Variants in RBFOX1 observed in about 807,000 individuals in gnomAD.
RBFOX1 encodes RNA binding protein fox-1 homolog 1.
Under a neutral mutation model 57.7 loss-of-function variants are expected in RBFOX1, and 8 were observed. The ratio of observed to expected loss-of-function variants is 0.14; its 90% confidence interval spans 0.08 to 0.25. The LOEUF (loss-of-function observed/expected upper bound fraction) is 0.25, where lower values mean the gene tolerates loss of function less well. Among genes scored for constraint, RBFOX1 ranks in the 10% least tolerant of loss-of-function variants. The pLI is 1.00. For synonymous variants in RBFOX1, 326 were observed against 222.4 expected (o/e 1.47, Z -4.15); for missense variants, 611 against 548.5 (o/e 1.11, Z -1.14).
intron 2 of RBFOX1, among the ~76,000 whole-genome samples, chr16:6,559,741 C>T (rs1233976710): frequency 3.3e-5 from 5 of 151,972 alleles, no homozygotes; most frequent in Non-Finnish European, 7.4e-5. Flanking sequence ...ATCTATATCT[C>T]TTTATATCCA....
At chr16:6,897,738 T>A (rs2006884) in intron 3 of RBFOX1, among the ~76,000 whole-genome samples, 116,632 of 152,092 alleles carry the variant, frequency 0.77, 45,213 homozygotes, top group East Asian at 0.92. Flanking sequence ...GGTTGCAGTG[T>A]GCTGAGATCA....
intron 3 of RBFOX1, among the ~76,000 whole-genome samples, chr16:5,805,797 C>T (rs933529149): frequency 6.6e-6 from 1 of 152,190 alleles, no homozygotes; most frequent in Non-Finnish European, 1.5e-5. Flanking sequence ...TGAAGACTCC[C>T]ATATCTCTCT....
chr16:5,487,744 G>C (rs956659557), intron 2 of RBFOX1, among the ~76,000 whole-genome samples: 1 of 152,126 alleles, frequency 6.6e-6, no homozygotes, highest in Non-Finnish European at 1.5e-5. Flanking sequence ...TCACACCTCT[G>C]CTTGCCCTCA....
intron 4 of RBFOX1, among the ~76,000 whole-genome samples, chr16:7,169,614 C>T (rs890569304): frequency 6.6e-6 from 1 of 152,114 alleles, no homozygotes; most frequent in Non-Finnish European, 1.5e-5. Context: ...ATTATCAGTC[C>T]CATTTACCAG....
intron 1 of RBFOX1, among the ~76,000 whole-genome samples, chr16:6,024,210 T>G (rs2095141259): frequency 6.6e-6 from 1 of 152,132 alleles, no homozygotes. Context: ...CAAGAAATAT[T>G]TATTTGGAAT....
chr16:7,100,755 C>T (rs778873554), intron 4 of RBFOX1, among the ~76,000 whole-genome samples: 1 of 151,982 alleles, frequency 6.6e-6, no homozygotes, highest in African/African-American at 2.4e-5. Flanking sequence ...AAAAAAGATC[C>T]AATGGCCGTA....
At chr16:6,380,374 G>A (rs543391683) in intron 2 of RBFOX1, among the ~76,000 whole-genome samples, 4 of 135,330 alleles carry the variant, frequency 3.0e-5, no homozygotes, top group Non-Finnish European at 4.6e-5. Context: ...ATAATGATGC[G>A]TCTGTGAGTG....
intron 2 of RBFOX1, among the ~76,000 whole-genome samples, chr16:6,456,737 G>T (rs975278457): frequency 7.2e-5 from 11 of 152,166 alleles, no homozygotes; most frequent in African/African-American, 2.7e-4. Context: ...CAACTGAATG[G>T]ATCCGTGAGA....
intron 4 of RBFOX1, among the ~76,000 whole-genome samples, chr16:7,206,089 G>C (rs903936895): frequency 2.0e-5 from 3 of 152,154 alleles, no homozygotes; most frequent in African/African-American, 4.8e-5. Context: ...AAAATGTTAA[G>C]CAGGTTTAGG....
chr16:6,106,231 C>T (rs935008762), intron 1 of RBFOX1, among the ~76,000 whole-genome samples: 15 of 152,038 alleles, frequency 9.9e-5, no homozygotes, highest in Non-Finnish European at 1.8e-4. Flanking sequence ...TCTAGGCAGG[C>T]TGAATCACCT....
intron 3 of RBFOX1, among the ~76,000 whole-genome samples, chr16:6,664,088 T>C (rs112070217): frequency 6.6e-6 from 1 of 152,234 alleles, no homozygotes; most frequent in Admixed American, 6.5e-5. Flanking sequence ...CTTTGTCTTA[T>C]AGAGTCTACT....
chr16:5,907,304 C>T (rs1014685195), intron 4 of RBFOX1, among the ~76,000 whole-genome samples: 2 of 152,062 alleles, frequency 1.3e-5, no homozygotes, highest in Non-Finnish European at 2.9e-5. Flanking sequence ...TGCCCCTGGA[C>T]CAGGATCTTC....
At chr16:7,040,614 T>C (rs1473703024) in intron 3 of RBFOX1, among the ~76,000 whole-genome samples, 1 of 152,232 alleles carries the variant, frequency 6.6e-6, no homozygotes, top group Non-Finnish European at 1.5e-5. Context: ...TGCTTTTGTC[T>C]GAAGTTTGTT....
chr16:6,867,132 T>G (rs2060079431), intron 3 of RBFOX1, among the ~76,000 whole-genome samples: 1 of 152,226 alleles, frequency 6.6e-6, no homozygotes, highest in Non-Finnish European at 1.5e-5. Flanking sequence ...CAGTCAGGTT[T>G]TAGCTTGGAG....
chr16:5,624,938 C>T (rs536152149), intron 3 of RBFOX1, among the ~76,000 whole-genome samples: 126 of 152,230 alleles, frequency 8.3e-4, no homozygotes, highest in Non-Finnish European at 1.4e-3. Context: ...GCAAAATGCA[C>T]GGTCTGTAGG....
At chr16:5,525,458 A>G (rs1336827594) in intron 2 of RBFOX1, among the ~76,000 whole-genome samples, 2 of 146,716 alleles carry the variant, frequency 1.4e-5, no homozygotes, top group African/African-American at 5.0e-5. Flanking sequence ...GCTCAGACTC[A>G]CACCGAGATA....
intron 2 of RBFOX1, among the ~76,000 whole-genome samples, chr16:6,583,092 A>C (rs1567768747): frequency 6.6e-6 from 1 of 151,890 alleles, no homozygotes; most frequent in Non-Finnish European, 1.5e-5. Context: ...TTCTCCCCAC[A>C]AGGAAGAGGA....
intron 2 of RBFOX1, among the ~76,000 whole-genome samples, chr16:5,584,295 C>G (rs955345305): frequency 6.6e-6 from 1 of 152,234 alleles, no homozygotes; most frequent in South Asian, 2.1e-4. Context: ...AGCTCCCCTG[C>G]TCTTCTTGTC....
chr16:5,639,736 G>T (rs375421965), intron 3 of RBFOX1, among the ~76,000 whole-genome samples: 63 of 152,288 alleles, frequency 4.1e-4, no homozygotes, highest in African/African-American at 1.5e-3. Flanking sequence ...GCATTTGGGC[G>T]GAACAAGATG....
Sources: allele counts gnomAD v4.1 joint callset (sites outside exome capture counted in the v4.1 genomes callset), GRCh38; gene constraint gnomAD v4.1.1; transcripts MANE v1.5; gene names NCBI Gene and HGNC (gene_info 2026-07-23, HGNC 2026-07-21).